The following MAGI1 variants were observed in gnomAD, a reference collection of about 807,000 sequenced individuals.
The protein encoded by MAGI1 is membrane-associated guanylate kinase, WW and PDZ domain-containing protein 1.
Under a neutral mutation model 139.9 loss-of-function variants are expected in MAGI1, and 58 were observed. The ratio of observed to expected loss-of-function variants is 0.41; its 90% CI spans 0.34 to 0.52. MAGI1 has a LOEUF of 0.52. Among genes scored for constraint, MAGI1 ranks in the 20% least tolerant of loss-of-function variants. The pLI, the probability that MAGI1 is intolerant of heterozygous loss-of-function variation, is 0.12. For synonymous variants in MAGI1, 812 were observed against 737.9 expected (o/e 1.10, Z -1.63); for missense variants, 1,874 against 1,901.6 (o/e 0.99, Z 0.27).
At chr3:65,685,311 T>TAA (rs79642320) in intron 1 of MAGI1, among the ~76,000 whole-genome samples, 92 of 143,666 alleles carry the variant, frequency 6.4e-4, no homozygotes, top group Non-Finnish European at 9.2e-4. Context: ...TTTCTTCATT[T>TAA]AAAAAAAAAA....
chr3:65,911,660 C>T (rs1222752946), intron 1 of MAGI1, among the ~76,000 whole-genome samples: 1 of 152,190 alleles, frequency 6.6e-6, no homozygotes, highest in Non-Finnish European at 1.5e-5. Flanking sequence ...CACACCCCAA[C>T]AGCATAACCG....
At chr3:65,439,376 G>T (rs1384289788) in intron 9 of MAGI1, among the ~76,000 whole-genome samples, 2 of 152,116 alleles carry the variant, frequency 1.3e-5, no homozygotes, top group East Asian at 3.9e-4. Flanking sequence ...GCAACCAGGG[G>T]AGAATTTAAT....
chr3:65,487,086 G>A (rs1204643855), intron 3 of MAGI1, among the ~76,000 whole-genome samples: 1 of 152,172 alleles, frequency 6.6e-6, no homozygotes, highest in African/African-American at 2.4e-5. Context: ...AACTGTGGTT[G>A]CCAGATGAAA....
intron 1 of MAGI1, among the ~76,000 whole-genome samples, chr3:65,980,802 T>C (rs2065534384): frequency 6.6e-6 from 1 of 152,162 alleles, no homozygotes; most frequent in Non-Finnish European, 1.5e-5. Context: ...CCCCGTCCAA[T>C]GTTTATTCTA....
At chr3:65,638,449 T>C (rs1199549339) in intron 1 of MAGI1, among the ~76,000 whole-genome samples, 1 of 151,840 alleles carries the variant, frequency 6.6e-6, no homozygotes, top group Non-Finnish European at 1.5e-5. Flanking sequence ...ACTGGTGTGT[T>C]ATCACCAGAT....
At chr3:65,482,847 C>G (rs977745031) in intron 3 of MAGI1, among the ~76,000 whole-genome samples, 5 of 152,226 alleles carry the variant, frequency 3.3e-5, no homozygotes, top group Non-Finnish European at 5.9e-5. Flanking sequence ...ACTGTAAAGT[C>G]TGGTTCCAGG....
chr3:65,527,309 G>T (rs2078431356), intron 2 of MAGI1, among the ~76,000 whole-genome samples: 1 of 152,232 alleles, frequency 6.6e-6, no homozygotes, highest in African/African-American at 2.4e-5. Context: ...GCTGGGTACG[G>T]TGGCTCATGC....
At chr3:65,790,144 G>A (rs2108062142) in intron 1 of MAGI1, among the ~76,000 whole-genome samples, 1 of 152,292 alleles carries the variant, frequency 6.6e-6, no homozygotes, top group Middle Eastern at 3.4e-3. Flanking sequence ...TAACAGGCTA[G>A]GCAAGTTTAC....
intron 1 of MAGI1, among the ~76,000 whole-genome samples, chr3:65,991,673 C>G (rs898053574): frequency 7.9e-5 from 12 of 152,124 alleles, no homozygotes; most frequent in African/African-American, 2.9e-4. Context: ...ATCTAGATAT[C>G]TTTCTTGCTT....
At chr3:65,827,117 T>C (rs2042269776) in intron 1 of MAGI1, among the ~76,000 whole-genome samples, 1 of 152,242 alleles carries the variant, frequency 6.6e-6, no homozygotes, top group South Asian at 2.1e-4. Flanking sequence ...AAGGATTTGC[T>C]TTATCCAGTC....
intron 1 of MAGI1, among the ~76,000 whole-genome samples, chr3:65,993,770 T>C (rs1157116103): frequency 6.6e-6 from 1 of 152,074 alleles, no homozygotes; most frequent in East Asian, 1.9e-4. Flanking sequence ...CACACACACA[T>C]AGCTTGGGGT....
chr3:65,628,535 G>C (rs2084108036), intron 1 of MAGI1, among the ~76,000 whole-genome samples: 1 of 151,760 alleles, frequency 6.6e-6, no homozygotes, highest in Non-Finnish European at 1.5e-5. Context: ...GGGCCCGGGA[G>C]TTGGTCATGT....
Position 65,540,369 on chromosome 3 carries a change from T to C in MAGI1, c.431-46738A>G, listed in dbSNP as rs532193368. Among the ~76,000 whole-genome samples the C allele has an allele frequency of 1.1e-4, 17 of 152,300 alleles. No homozygotes were observed. In the South Asian group the frequency reaches 3.5e-3, roughly 32 times the overall value. The stretch of plus-strand genomic sequence containing the variant: ...ACTTCCTGGCATTTTATATTTATTT[T>C]GGGTGTTTTTTTCTATATTCATGCT... On this transcript the variant is annotated intron_variant, in intron 2 of 22. Transcript: ENST00000402939.
intron 1 of MAGI1, among the ~76,000 whole-genome samples, chr3:65,871,230 C>T (rs2108488553): frequency 6.6e-6 from 1 of 152,202 alleles, no homozygotes; most frequent in Admixed American, 6.5e-5. Flanking sequence ...AGCCCCCATG[C>T]CCAGCCTAAT....
chr3:65,891,614 CA>C (rs1301956281), intron 1 of MAGI1, among the ~76,000 whole-genome samples: 1 of 151,096 alleles, frequency 6.6e-6, no homozygotes, highest in Non-Finnish European at 1.5e-5. Context: ...ACAATATAAC[CA>C]AGGGTGACAA....
chr3:66,004,197 T>C (rs1355108640), intron 1 of MAGI1, among the ~76,000 whole-genome samples: 1 of 152,174 alleles, frequency 6.6e-6, no homozygotes, highest in Non-Finnish European at 1.5e-5. Context: ...CTCAACTTTG[T>C]GGCATAAAAC....
intron 2 of MAGI1, among the ~76,000 whole-genome samples, chr3:65,539,489 AT>A (rs1484202914): frequency 6.6e-6 from 1 of 152,228 alleles, no homozygotes; most frequent in African/African-American, 2.4e-5. Flanking sequence ...ACCATCTGAA[AT>A]GGATACCGTG....
chr3:65,742,974 A>G (rs2035400875), intron 1 of MAGI1, among the ~76,000 whole-genome samples: 1 of 152,218 alleles, frequency 6.6e-6, no homozygotes, highest in African/African-American at 2.4e-5. Context: ...GCTTTTGAAG[A>G]AAGGAGTAAA....
chr3:65,756,418 C>T lies in MAGI1; in HGVS notation c.314-134330G>A, dbSNP rs1277184778. On this transcript the variant is annotated intron_variant, in intron 1 of 22. Coordinates refer to ENST00000402939, the MANE Select transcript of MAGI1 (RefSeq NM_001033057.2). ...GTTGCATGTACTAGTAAATTTAGAA[C>T]ACTTTAAATAGCTCATAAAAACATG... Among the ~76,000 whole-genome samples the T allele has an allele frequency of 3.9e-5, 6 of 152,146 alleles. No homozygotes were observed. In the East Asian group the frequency reaches 1.2e-3, roughly 29 times the overall value.
Sources: gnomAD v4.1 joint callset for allele counts (sites outside exome capture counted in the v4.1 genomes callset) on GRCh38, gnomAD v4.1.1 for gene constraint, MANE v1.5 for transcripts, NCBI Gene and HGNC (gene_info 2026-07-23, HGNC 2026-07-21) for gene names.